PITPNM2: variants seen among roughly 807,000 people sequenced by gnomAD.
PITPNM2 encodes the protein membrane-associated phosphatidylinositol transfer protein 2.
In PITPNM2, 35 loss-of-function variants were observed where a neutral mutation model predicts 132.2. The ratio of observed to expected loss-of-function variants is 0.26; its 90% confidence interval spans 0.20 to 0.35. PITPNM2 has a LOEUF of 0.35. Among genes scored for constraint, PITPNM2 ranks in the 10% least tolerant of loss-of-function variants. The pLI, the probability that PITPNM2 is intolerant of heterozygous loss-of-function variation, is 1.00. For synonymous variants in PITPNM2, 738 were observed against 799.2 expected (o/e 0.92, Z 1.29); for missense variants, 1,332 against 1,912.0 (o/e 0.70, Z 5.66).
chr12:123,068,510 T>C (rs920828997), intron 2 of PITPNM2, among the ~76,000 whole-genome samples: 1 of 151,838 alleles, frequency 6.6e-6, no homozygotes, highest in African/African-American at 2.4e-5. Context: ...AAAATAATCC[T>C]TGGGCACACC....
chr12:123,117,153 TGA>T lies in PITPNM2; in HGVS notation c.-199-6667_-199-6666del. On this transcript the variant is annotated intron_variant, in intron 1 of 25. Coordinates refer to ENST00000320201, the MANE Select transcript of PITPNM2 (RefSeq NM_020845.3). The surrounding 1 kb of genome is among the most constrained non-coding windows in gnomAD (Gnocchi z 4.7). ...TTGTATCCTCACATATGAGAGTTGC[TGA>T]GAGACGTTAGTGCTTAAATGAGTCT... Among the ~76,000 whole-genome samples, 1 of 152,342 alleles carries T rather than the reference TGA, an allele frequency of 6.6e-6. No individual in the cohort carries two copies. Among genetic ancestry groups the T allele is most frequent in the Non-Finnish European group, 1.5e-5 (1 of 68,038 alleles).
rs369656524 is a variant in PITPNM2 at position 123,127,703 on chromosome 12, G to A, written c.-199-17215C>T. 3.3e-4 allele frequency among the ~76,000 whole-genome samples: 49 copies of A among 150,312 alleles called. No individual in the cohort carries two copies. In the East Asian group the frequency reaches 5.7e-3, roughly 18 times the overall value. ...CGGCTCACGGCAACCTCTGCCTCCC[G>A]GGTTCACGCCATTCTCCTGCCTCAG... On this transcript the variant is annotated intron_variant, in intron 1 of 25. Transcript: ENST00000320201.
chr12:122,997,553 A>G lies in PITPNM2; in HGVS notation c.1244T>C (p.Leu415Pro). The G allele has an allele frequency of 1.2e-6, 2 of 1,612,144 alleles. No homozygotes were observed. Among genetic ancestry groups the G allele is most frequent in the South Asian group, 1.1e-5 (1 of 91,068 alleles). Residue 415 changes from leucine to proline, a missense_variant, in exon 11 of 26, where the codon CTG becomes CCG. This residue lies in a region of PITPNM2 where 710 missense variants were observed against 911.5 expected (regional missense o/e 0.78). Coordinates refer to ENST00000320201, the MANE Select transcript of PITPNM2 (RefSeq NM_020845.3). The part of the protein sequence containing the change: ...NIIEDEVSQP[L>P]AAPPSKIHVL... ...GTGGATCTTGGAGGGCGGTGCAGCC[A>G]GCGGCTGGCTAACCTCGTCCTGCAT...
intron 2 of PITPNM2, among the ~76,000 whole-genome samples, chr12:123,093,999 C>A (rs924455827): frequency 1.3e-5 from 2 of 152,234 alleles, no homozygotes; most frequent in Admixed American, 1.3e-4. Context: ...TCAGGCTGGG[C>A]TCGGAGGCTG....
At chr12:123,092,910 T>C (rs2042308856) in intron 2 of PITPNM2, 1 of 152,228 alleles carries the variant, frequency 6.6e-6, no homozygotes, top group South Asian at 2.1e-4. Flanking sequence ...TTCTGTATTG[T>C]CCTCTGACCC....
Position 123,000,881 on chromosome 12 carries a change from AG to A in PITPNM2, c.1154-34del. ...GACACAGAAGCCGTGCTGTGAGCTGAGGGGCAGCCCAACCTGGCCGACCGGA... is the reference window on the plus strand; with the variant it reads ...GACACAGAAGCCGTGCTGTGAGCTGAGGGCAGCCCAACCTGGCCGACCGGA... On this transcript the variant is annotated intron_variant, in intron 9 of 25. Transcript: ENST00000320201. This position sits in a 1 kb window ranked among gnomAD's most constrained non-coding sequence, Gnocchi z 5.4. 1 of 1,613,272 alleles carries A rather than the reference AG, an allele frequency of 6.2e-7. No homozygotes were observed. Among genetic ancestry groups the A allele is most frequent in the Non-Finnish European group, 8.5e-7 (1 of 1,179,436 alleles).
rs1390157279 is a variant in PITPNM2, at chr12:123,117,020, T to C, written c.-199-6532A>G. On this transcript the variant is annotated intron_variant, in intron 1 of 25. Coordinates refer to ENST00000320201, the MANE Select transcript of PITPNM2 (RefSeq NM_020845.3). The surrounding 1 kb of genome is among the most constrained non-coding windows in gnomAD (Gnocchi z 4.7). ...TAAATAAAATGGCATTTTGCATCACTATGTTTGGACGTACTCTGTTAAGCA... is the reference window on the plus strand; with the variant it reads ...TAAATAAAATGGCATTTTGCATCACCATGTTTGGACGTACTCTGTTAAGCA... Among the ~76,000 whole-genome samples the C allele has an allele frequency of 2.6e-5, 4 of 152,216 alleles. No homozygotes were observed. In the East Asian group the frequency reaches 5.8e-4, roughly 22 times the overall value.
intron 2 of PITPNM2, among the ~76,000 whole-genome samples, chr12:123,049,137 AACAC>A (rs35784732): frequency 7.5e-5 from 11 of 146,822 alleles, no homozygotes; most frequent in East Asian, 4.0e-4. Flanking sequence ...CTGTCTCTAA[AACAC>A]ACACACACAC....
intron 2 of PITPNM2, among the ~76,000 whole-genome samples, chr12:123,052,263 C>T (rs988628989): frequency 5.3e-5 from 8 of 151,980 alleles, no homozygotes; most frequent in Middle Eastern, 3.4e-3. Flanking sequence ...GAATAGACAG[C>T]GGGTTTGTTT....
At position 123,014,008 on chromosome 12, in the gene PITPNM2, C is replaced by A. The variant is rs1255308089; in HGVS notation, c.113G>T (p.Ser38Ile). Residue 38 changes from serine (S) to isoleucine (I), a missense_variant, in exon 4 of 26, where the codon AGC (serine) becomes ATC (isoleucine). By Grantham distance (142) the Ser-to-Ile change is moderately radical. Around this residue, in one of 6 missense-constraint regions of PITPNM2, gnomAD observed 83 missense variants for 118.7 expected, o/e 0.70. Coordinates refer to ENST00000320201, the MANE Select transcript of PITPNM2 (RefSeq NM_020845.3). ...KSRNETYGEG[S>I]GVEILENRPY... is the part of the protein sequence containing the mutation. ...CCGGTTCTCCAGGATCTCCACGCCG[C>A]TGCCTTCGCCATATGTCTCGTTACG... is the stretch of plus-strand genomic sequence containing the variant. The A allele has an allele frequency of 6.2e-7, 1 of 1,614,260 alleles. No homozygotes were observed. The highest frequency in any genetic ancestry group is 1.7e-5 in the Admixed American group (1 of 60,032).
At chr12:123,067,695 C>T (rs1199851366) in intron 2 of PITPNM2, among the ~76,000 whole-genome samples, 1 of 152,184 alleles carries the variant, frequency 6.6e-6, no homozygotes, top group Non-Finnish European at 1.5e-5. Flanking sequence ...GACTTCTGGC[C>T]TCCAGAACTG....
At position 123,111,792 on chromosome 12, in the gene PITPNM2, A is replaced by G. The variant is rs913296765; in HGVS notation, c.-199-1304T>C. On this transcript the variant is annotated intron_variant, in intron 1 of 25. Coordinates refer to ENST00000320201, the MANE Select transcript of PITPNM2 (RefSeq NM_020845.3). This position sits in a 1 kb window ranked among gnomAD's most constrained non-coding sequence, Gnocchi z 4.1. Reference sequence around the variant, plus strand: ...ATGAAACAGCCCAGGCACCCACAGCAGAGTGGATGCAGGTCCCAGCCCTCC... The same window carrying G: ...ATGAAACAGCCCAGGCACCCACAGCGGAGTGGATGCAGGTCCCAGCCCTCC... Among the ~76,000 whole-genome samples, 1 of 152,230 alleles carries G rather than the reference A, an allele frequency of 6.6e-6. No homozygotes were observed. The highest frequency in any genetic ancestry group is 2.4e-5 in the African/African-American group (1 of 41,464).
intron 1 of PITPNM2, among the ~76,000 whole-genome samples, chr12:123,141,753 C>T (rs1310318776): frequency 6.6e-6 from 1 of 152,068 alleles, no homozygotes; most frequent in Non-Finnish European, 1.5e-5. Flanking sequence ...TTTTATGAGC[C>T]GGCCTCCAGC....
In PITPNM2 at chr12:123,008,013, C is replaced by T. The variant is rs558613130; in HGVS notation, c.643+1837G>A. On this transcript the variant is annotated intron_variant, in intron 6 of 25. Transcript: ENST00000320201. The surrounding 1 kb of genome is among the most constrained non-coding windows in gnomAD (Gnocchi z 4.1). ...CACCCCATCTTCAGTTCTGAACCCA[C>T]GGTCTCGGCCCACAACAGTCCGATA... 2.6e-5 allele frequency among the ~76,000 whole-genome samples: 4 copies of T among 152,330 alleles called. No individual in the cohort carries two copies. Among genetic ancestry groups the T allele is most frequent in the South Asian group, 4.1e-4 (2 of 4,830 alleles).
At chr12:123,043,523 A>C (rs1270038870) in intron 2 of PITPNM2, among the ~76,000 whole-genome samples, 1 of 152,174 alleles carries the variant, frequency 6.6e-6, no homozygotes, top group Non-Finnish European at 1.5e-5. Context: ...AATCCCACAG[A>C]AAGTCATAAA....
At chr12:123,080,749 C>T (rs1356892933) in intron 2 of PITPNM2, among the ~76,000 whole-genome samples, 3 of 152,242 alleles carry the variant, frequency 2.0e-5, no homozygotes, top group Non-Finnish European at 4.4e-5. Context: ...TCACTGACTA[C>T]GTGACTAGCC....
chr12:123,079,405 G>A (rs1211465686), intron 2 of PITPNM2, among the ~76,000 whole-genome samples: 1 of 124,174 alleles, frequency 8.1e-6, no homozygotes, highest in Non-Finnish European at 1.6e-5. Context: ...CTGGAGTGCA[G>A]TGGTATGATC....
At chr12:123,102,580 C>G (rs542949830) in intron 2 of PITPNM2, among the ~76,000 whole-genome samples, 1 of 152,240 alleles carries the variant, frequency 6.6e-6, no homozygotes, top group Non-Finnish European at 1.5e-5. Context: ...CCATCCCCCA[C>G]AGGCAGCCCT....
chr12:123,119,511 C>A (rs1314750669), intron 1 of PITPNM2, among the ~76,000 whole-genome samples: 1 of 152,048 alleles, frequency 6.6e-6, no homozygotes, highest in Admixed American at 6.5e-5. Flanking sequence ...GCACCCGCCA[C>A]CACGCCTGGC....
Sources: gnomAD v4.1 joint callset for allele counts (sites outside exome capture counted in the v4.1 genomes callset) on GRCh38, gnomAD v4.1.1 for gene constraint, gnomAD v4.1.1 regional missense constraint, Gnocchi (gnomAD v3.1) non-coding constraint, MANE v1.5 for transcripts, NCBI Gene and HGNC (gene_info 2026-07-23, HGNC 2026-07-21) for gene names.